Variants in WASF2 observed in about 807,000 individuals in gnomAD.
WASF2 encodes actin-binding protein WASF2.
WASF2 carries 14 observed loss-of-function variants against 45.0 expected under a neutral mutation model. The ratio of observed to expected loss-of-function variants is 0.31; its 90% CI spans 0.21 to 0.49. The LOEUF (loss-of-function observed/expected upper bound fraction) is 0.49, where lower values mean the gene tolerates loss of function less well. Ranked by LOEUF, WASF2 falls within the 20% of genes least tolerant of loss-of-function variation. The probability of loss-of-function intolerance (pLI) is 0.99; values close to 1 mark genes in which losing one functional copy is unlikely to be tolerated. For synonymous variants in WASF2, 200 were observed against 236.3 expected (o/e 0.85, Z 1.41); for missense variants, 439 against 636.1 (o/e 0.69, Z 3.33).
intron 1 of WASF2, among the ~76,000 whole-genome samples, chr1:27,465,037 C>T (rs1203229030): frequency 6.6e-6 from 1 of 152,156 alleles, no homozygotes; most frequent in Non-Finnish European, 1.5e-5. Context: ...CCGAAAGCAG[C>T]AGGAGAAAAA....
At chr1:27,476,256 A>T (rs950186277) in intron 1 of WASF2, among the ~76,000 whole-genome samples, 3 of 152,216 alleles carry the variant, frequency 2.0e-5, no homozygotes, top group Admixed American at 6.5e-5. Context: ...AGACTGGGTA[A>T]TTTATAGGCA....
chr1:27,485,093 T>C (rs934014771), intron 1 of WASF2, among the ~76,000 whole-genome samples: 4 of 151,926 alleles, frequency 2.6e-5, no homozygotes, highest in African/African-American at 9.7e-5. Context: ...GAGGTAGCAG[T>C]GAGCCAAGAT....
chr1:27,484,392 TCAAAATTAAATGTATTTTAG>T (rs1440024138), intron 1 of WASF2, among the ~76,000 whole-genome samples: 1 of 152,104 alleles, frequency 6.6e-6, no homozygotes, highest in Admixed American at 6.6e-5. Context: ...ATAAAAATAC[TCAAAATTAAATGTATTTTAG>T]TAAACTCCTT....
In WASF2 at chr1:27,439,044, T is replaced by G. The variant is rs147991856; in HGVS notation, c.-43-10111A>C. 1.1e-3 allele frequency among the ~76,000 whole-genome samples: 161 copies of G among 152,284 alleles called. 1 individual carries two copies. Among genetic ancestry groups the G allele is most frequent in the African/African-American group, 3.7e-3 (155 of 41,564 alleles). On this transcript the variant is annotated intron_variant, in intron 1 of 8. Coordinates refer to ENST00000618852, the MANE Select transcript of WASF2 (RefSeq NM_006990.5). ...TTTCTAACCTCAGTTTACCAGGAAG[T>G]TGCCAAAGCCCTAAAAATCTAGTAA...
chr1:27,432,312 T>A (rs186434396), intron 1 of WASF2, among the ~76,000 whole-genome samples: 2 of 152,018 alleles, frequency 1.3e-5, no homozygotes, highest in African/African-American at 2.4e-5. Context: ...AGACATTAAA[T>A]AATATATATA....
chr1:27,450,744 C>A (rs1049033032), intron 1 of WASF2, among the ~76,000 whole-genome samples: 3 of 152,048 alleles, frequency 2.0e-5, no homozygotes, highest in African/African-American at 7.2e-5. Flanking sequence ...GGTGATCTGC[C>A]TGCCTTGGCC....
intron 1 of WASF2, among the ~76,000 whole-genome samples, chr1:27,435,206 A>C (rs934187718): frequency 6.6e-6 from 1 of 152,230 alleles, no homozygotes; most frequent in South Asian, 2.1e-4. Context: ...TTGGCCTCCC[A>C]AAGTGTTGGG....
chr1:27,483,031 C>T (rs1193382981), intron 1 of WASF2, among the ~76,000 whole-genome samples: 1 of 152,114 alleles, frequency 6.6e-6, no homozygotes, highest in Non-Finnish European at 1.5e-5. Flanking sequence ...AAGAATGAAG[C>T]AGAATACAAA....
In WASF2 at chr1:27,419,003, G is replaced by C; in HGVS notation, c.216C>G (p.Val72=). Residue 72 remains valine, a synonymous_variant, in exon 3 of 9, where the codon GTC becomes GTG. Transcript: ENST00000618852. ...GAGTGACTTTAACCTGTAGTCGGTCGACCCTCTCAGCAAGGGAGCTTACCC... is the reference window on the plus strand; with the variant it reads ...GAGTGACTTTAACCTGTAGTCGGTCCACCCTCTCAGCAAGGGAGCTTACCC... ...ASRVSSLAER[V]DRLQVKVTQL... 6.2e-7 allele frequency: 1 copy of C among 1,613,884 alleles called. No homozygotes were observed. The highest frequency in any genetic ancestry group is 8.5e-7 in the Non-Finnish European group (1 of 1,179,988).
chr1:27,467,245 C>T (rs1440700748), intron 1 of WASF2, among the ~76,000 whole-genome samples: 1 of 148,052 alleles, frequency 6.8e-6, no homozygotes, highest in Non-Finnish European at 1.5e-5. Context: ...AAAACACACA[C>T]ACACACACAC....
intron 1 of WASF2, among the ~76,000 whole-genome samples, chr1:27,435,904 G>A (rs78615727): frequency 0.019 from 2,831 of 152,270 alleles, 89 homozygotes; most frequent in African/African-American, 0.064. Context: ...AAACATATTT[G>A]AGCTATAGCA....
intron 1 of WASF2, among the ~76,000 whole-genome samples, chr1:27,432,074 A>C (rs1426970523): frequency 6.6e-6 from 1 of 152,230 alleles, no homozygotes; most frequent in East Asian, 1.9e-4. Flanking sequence ...TTTGTACAAG[A>C]AGCATGGAGT....
At chr1:27,411,864 AAAAT>A (rs569192693) in intron 7 of WASF2, among the ~76,000 whole-genome samples, 1 of 152,224 alleles carries the variant, frequency 6.6e-6, no homozygotes, top group Non-Finnish European at 1.5e-5. Context: ...CTCCGTCTCA[AAAAT>A]AAATAAATAA....
chr1:27,483,810 G>A (rs1232881707), intron 1 of WASF2, among the ~76,000 whole-genome samples: 1 of 151,540 alleles, frequency 6.6e-6, no homozygotes, highest in East Asian at 1.9e-4. Context: ...CAAATTGGGT[G>A]GGCATGGTAG....
At chr1:27,411,138 G>A (rs1408469333) in intron 7 of WASF2, among the ~76,000 whole-genome samples, 1 of 152,188 alleles carries the variant, frequency 6.6e-6, no homozygotes, top group Non-Finnish European at 1.5e-5. Flanking sequence ...TGAGGGGAGA[G>A]AAGGAGGACA....
At chr1:27,468,385 A>AGGAGAG in intron 1 of WASF2, among the ~76,000 whole-genome samples, 1 of 152,144 alleles carries the variant, frequency 6.6e-6, no homozygotes, top group South Asian at 2.1e-4. Flanking sequence ...TCACGCCTGT[A>AGGAGAG]ATCTCAGCAC....
intron 1 of WASF2, among the ~76,000 whole-genome samples, chr1:27,432,444 C>T (rs1006428348): frequency 1.0e-3 from 154 of 151,430 alleles, no homozygotes; most frequent in African/African-American, 3.5e-3. Context: ...GTCAGGAGAT[C>T]GAGACCATCC....
chr1:27,480,225 G>A (rs1396245760), intron 1 of WASF2, among the ~76,000 whole-genome samples: 4 of 152,060 alleles, frequency 2.6e-5, no homozygotes, highest in Admixed American at 2.6e-4. Context: ...TTTTTAAACT[G>A]AGTACTTATG....
chr1:27,472,181 A>C (rs2017697923), intron 1 of WASF2, among the ~76,000 whole-genome samples: 2 of 152,198 alleles, frequency 1.3e-5, no homozygotes, highest in South Asian at 2.1e-4. Context: ...AAATAAAAAA[A>C]TTAGCCGGGC....
Sources: gnomAD v4.1 joint callset for allele counts (sites outside exome capture counted in the v4.1 genomes callset) on GRCh38, gnomAD v4.1.1 for gene constraint, MANE v1.5 for transcripts, NCBI Gene and HGNC (gene_info 2026-07-23, HGNC 2026-07-21) for gene names.